The following ACTN4 variants were observed in gnomAD, a reference collection of about 807,000 sequenced individuals.
ACTN4 encodes the protein actinin alpha 4.
ACTN4 carries 18 observed loss-of-function variants against 114.2 expected under a neutral mutation model. The observed-to-expected ratio is 0.16, with a 90% CI of 0.11 to 0.23. ACTN4 has a LOEUF of 0.23. Ranked by LOEUF, ACTN4 falls within the 10% of genes least tolerant of loss-of-function variation. The pLI is 1.00. For missense variants in ACTN4, 722 were observed against 1,262.9 expected (o/e 0.57, Z 6.49); for synonymous variants, 515 against 506.3 (o/e 1.02, Z -0.23).
chr19:38,647,930 G>A (rs985506848), intron 1 of ACTN4, 23 bp downstream of exon 1: 22 of 1,460,090 alleles, frequency 1.5e-5, no homozygotes, highest in Middle Eastern at 2.4e-4. Flanking sequence ...CGGGCCGGAC[G>A]GGCTGGAGGG....
chr19:38,718,288 A>T, intron 11 of ACTN4: 1 of 833,882 alleles, frequency 1.2e-6, no homozygotes, highest in Non-Finnish European at 2.0e-6. Context: ...GCACTTTGGC[A>T]GGCCAAGGCA....
At chr19:38,683,846 ACTTGC>A (rs1478026869) in intron 1 of ACTN4, 3 of 151,954 alleles carry the variant, frequency 2.0e-5, no homozygotes, top group African/African-American at 7.3e-5. Flanking sequence ...CGGTCACCTG[ACTTGC>A]CCGCCCTCCC....
rs1967282625 is a variant in ACTN4 at position 38,673,755 on chromosome 19, TTTTATA to T, written c.162+25850_162+25855del. Among the ~76,000 whole-genome samples, 3 of 52,448 alleles carry T rather than the reference TTTTATA, an allele frequency of 5.7e-5. 1 individual carries two copies. Among genetic ancestry groups the T allele is most frequent in the Non-Finnish European group, 1.6e-4 (3 of 18,458 alleles). 34.4% of individuals were successfully genotyped at this position (52,448 alleles called of 152,430 possible). ...TATATATTTATATATTTATATATAT[TTTTATA>T]TATATATATTTATATATGTATAATT... On this transcript the variant is annotated intron_variant, in intron 1 of 20. Transcript: ENST00000252699.
chr19:38,714,806 A>T (rs1259365823), intron 9 of ACTN4, among the ~76,000 whole-genome samples: 1 of 152,224 alleles, frequency 6.6e-6, no homozygotes, highest in Non-Finnish European at 1.5e-5. Flanking sequence ...GGGTTCCTAC[A>T]GAGATGCTCA....
intron 1 of ACTN4, among the ~76,000 whole-genome samples, chr19:38,685,810 G>T (rs1382592458): frequency 6.6e-6 from 1 of 152,050 alleles, no homozygotes; most frequent in East Asian, 1.9e-4. Context: ...TGGCCGGGTG[G>T]ACTGTTGAAT....
chr19:38,694,552 G>A (rs987407988), intron 1 of ACTN4, among the ~76,000 whole-genome samples: 2 of 152,004 alleles, frequency 1.3e-5, no homozygotes, highest in East Asian at 3.9e-4. Context: ...GAGCCACTGC[G>A]CCCGGCCCTG....
chr19:38,665,379 G>T (rs546301195), intron 1 of ACTN4, among the ~76,000 whole-genome samples: 1 of 152,186 alleles, frequency 6.6e-6, no homozygotes, highest in African/African-American at 2.4e-5. Context: ...GTGATAGTGC[G>T]CAGGAAGCAC....
chr19:38,686,661 C>T (rs967951543), intron 1 of ACTN4, among the ~76,000 whole-genome samples: 14 of 152,354 alleles, frequency 9.2e-5, no homozygotes, highest in East Asian at 1.9e-4. Flanking sequence ...CACTGCCTCC[C>T]GCTCTGTGGG....
intron 9 of ACTN4, among the ~76,000 whole-genome samples, chr19:38,716,210 T>A (rs890057074): frequency 2.0e-5 from 3 of 152,252 alleles, no homozygotes; most frequent in Non-Finnish European, 4.4e-5. Flanking sequence ...TGGCCTAGAA[T>A]TGTTTTAGAA....
In ACTN4 at chr19:38,724,609, G is replaced by A. The variant is rs1371387016; in HGVS notation, c.2010+44G>A. 2 of 1,611,664 alleles carry A rather than the reference G, an allele frequency of 1.2e-6. No homozygotes were observed. The highest frequency in any genetic ancestry group is 2.2e-5 in the South Asian group (2 of 91,070). ...CCACAGAGCTGAGAAGGTTCCAAGA[G>A]AGCTCCCGTAGTGAGGGGGTCCCCG... On this transcript the variant is annotated intron_variant, in intron 16 of 20. Coordinates refer to ENST00000252699, the MANE Select transcript of ACTN4 (RefSeq NM_004924.6). The surrounding 1 kb of genome is among the most constrained non-coding windows in gnomAD (Gnocchi z 7.0).
At chr19:38,697,288 C>A (rs1471886323) in intron 1 of ACTN4, among the ~76,000 whole-genome samples, 2 of 152,228 alleles carry the variant, frequency 1.3e-5, no homozygotes, top group African/African-American at 4.8e-5. Context: ...ATCCCATTTT[C>A]CCTGCATACC....
At chr19:38,665,455 T>C (rs954385491) in intron 1 of ACTN4, among the ~76,000 whole-genome samples, 1 of 152,232 alleles carries the variant, frequency 6.6e-6, no homozygotes, top group Non-Finnish European at 1.5e-5. Context: ...CAATGGCACA[T>C]GGTCCTGCAT....
rs74995758 is a variant in ACTN4, at chr19:38,706,746, G to A, written c.572+615G>A. Among the ~76,000 whole-genome samples, 57 of 152,314 alleles carry A rather than the reference G, an allele frequency of 3.7e-4. No homozygotes were observed. In the South Asian group the frequency reaches 6.2e-3, roughly 17 times the overall value. ...CCTCTTCCTTTATTTTGACAGCTCAGGAGTGAATTGTTTTTAGAATTGCTA... is the reference window on the plus strand; with the variant it reads ...CCTCTTCCTTTATTTTGACAGCTCAAGAGTGAATTGTTTTTAGAATTGCTA... On this transcript the variant is annotated intron_variant, in intron 5 of 20. Coordinates refer to ENST00000252699, the MANE Select transcript of ACTN4 (RefSeq NM_004924.6).
intron 1 of ACTN4, among the ~76,000 whole-genome samples, chr19:38,700,042 G>A (rs1968218192): frequency 1.3e-5 from 2 of 152,192 alleles, no homozygotes. Context: ...AGCAGCCTGA[G>A]CTCCTGCCTG....
At position 38,670,194 on chromosome 19, in the gene ACTN4, T is replaced by A. The variant is rs186546777; in HGVS notation, c.162+22287T>A. On this transcript the variant is annotated intron_variant, in intron 1 of 20. Coordinates refer to ENST00000252699, the MANE Select transcript of ACTN4 (RefSeq NM_004924.6). ...CCTCTAGGAAACTTGGTGTTTCCAC[T>A]CAAGGGAGTTGGGGATCACGTAACA... Among the ~76,000 whole-genome samples the A allele has an allele frequency of 2.0e-3, 305 of 152,256 alleles. 1 individual carries two copies. The highest frequency in any genetic ancestry group is 3.3e-3 in the Non-Finnish European group (226 of 68,008).
Position 38,730,440 on chromosome 19 carries a change from TGA to T in ACTN4, c.*1010_*1011del, listed in dbSNP as rs948600089. The T allele has an allele frequency of 2.2e-5, 4 of 180,638 alleles. No homozygotes were observed. In the East Asian group the frequency reaches 4.5e-4, roughly 20 times the overall value. 11.2% of individuals were successfully genotyped at this position (180,638 alleles called of 1,614,324 possible). ...TTTTGCTCCCCCTACCTTTTTTTTT[TGA>T]GTTTATTCTGATTGATTTTTTTTCT... is the stretch of plus-strand genomic sequence containing the variant. On this transcript the variant is annotated 3_prime_UTR_variant, in exon 21 of 21. Transcript: ENST00000252699.
chr19:38,700,167 GACCTGTTCATTCCAC>G (rs1968223013), intron 1 of ACTN4, among the ~76,000 whole-genome samples: 1 of 152,096 alleles, frequency 6.6e-6, no homozygotes, highest in African/African-American at 2.4e-5. Flanking sequence ...GCAGGAGCCC[GACCTGTTCATTCCAC>G]ACCACCGAGC....
intron 1 of ACTN4, among the ~76,000 whole-genome samples, chr19:38,673,497 TTATA>T (rs1372114559): frequency 1.5e-5 from 1 of 67,662 alleles, no homozygotes; most frequent in Admixed American, 1.6e-4. Flanking sequence ...TCATATATAT[TTATA>T]TATATGAATA....
rs77822825 is a variant in ACTN4, at chr19:38,721,752, C to T, written c.1442+64C>T. On this transcript the variant is annotated intron_variant, in intron 12 of 20. Coordinates refer to ENST00000252699, the MANE Select transcript of ACTN4 (RefSeq NM_004924.6). ...CACCACAGCCTGCCCAGACTGGTGG[C>T]GGCAGCACGCCGAGGCCCAGCCTGC... 271,742 of 1,597,272 alleles carry T rather than the reference C, an allele frequency of 0.17. 24,629 individuals carry two copies. The highest frequency in any genetic ancestry group is 0.32 in the Middle Eastern group (1,965 of 6,056).
Sources: allele counts gnomAD v4.1 joint callset (sites outside exome capture counted in the v4.1 genomes callset), GRCh38; gene constraint gnomAD v4.1.1; non-coding constraint Gnocchi (gnomAD v3.1); transcripts MANE v1.5; gene names NCBI Gene and HGNC (gene_info 2026-07-23, HGNC 2026-07-21).